DLGAP2: variants seen among roughly 807,000 people sequenced by gnomAD.
DLGAP2 encodes the protein disks large-associated protein 2.
DLGAP2 carries 26 observed loss-of-function variants against 100.3 expected under a neutral mutation model. The observed-to-expected ratio is 0.26, with a 90% CI of 0.19 to 0.36. DLGAP2 has a LOEUF of 0.36. Ranked by LOEUF, DLGAP2 falls within the 10% of genes least tolerant of loss-of-function variation. DLGAP2 has a pLI of 1.00. For synonymous variants in DLGAP2, 886 were observed against 630.1 expected (o/e 1.41, Z -6.08); for missense variants, 1,858 against 1,453.2 (o/e 1.28, Z -4.53).
intron 2 of DLGAP2, among the ~76,000 whole-genome samples, chr8:1,065,245 C>G (rs1803209874): frequency 6.6e-6 from 1 of 152,126 alleles, no homozygotes; most frequent in Non-Finnish European, 1.5e-5. Context: ...ACAGCCATTG[C>G]CAGGAATTTG....
At chr8:968,482 G>C (rs1799935684) in intron 2 of DLGAP2, among the ~76,000 whole-genome samples, 2 of 152,128 alleles carry the variant, frequency 1.3e-5, no homozygotes, top group South Asian at 2.1e-4. Context: ...ATTCCTCCAG[G>C]TCCTTGCATT....
chr8:1,138,399 A>G (rs936675939), intron 2 of DLGAP2, among the ~76,000 whole-genome samples: 10 of 152,206 alleles, frequency 6.6e-5, no homozygotes, highest in African/African-American at 2.2e-4. Context: ...GGATTTCTCC[A>G]CAGATCTGGC....
intron 4 of DLGAP2, among the ~76,000 whole-genome samples, chr8:1,507,221 G>C (rs1486937024): frequency 6.6e-6 from 1 of 152,210 alleles, no homozygotes; most frequent in Non-Finnish European, 1.5e-5. Context: ...GCGTCCATCA[G>C]GGAGGCTTGG....
intron 3 of DLGAP2, among the ~76,000 whole-genome samples, chr8:1,312,742 A>AAC (rs1254257845): frequency 6.6e-6 from 1 of 152,236 alleles, no homozygotes; most frequent in African/African-American, 2.4e-5. Context: ...TCAGTTAATT[A>AAC]ACTTGGAATT....
chr8:1,442,693 C>CAGCCACTGGAGGAGACGG, intron 3 of DLGAP2, among the ~76,000 whole-genome samples: 4 of 147,602 alleles, frequency 2.7e-5, no homozygotes, highest in African/African-American at 1.0e-4. Flanking sequence ...GCTGTGGGTT[C>CAGCCACTGGAGGAGACGG]ATCCACTGGA....
intron 2 of DLGAP2, among the ~76,000 whole-genome samples, chr8:1,168,578 A>T (rs1226488105): frequency 2.7e-4 from 40 of 148,778 alleles, no homozygotes; most frequent in East Asian, 7.9e-4. Context: ...CCATTCTAAC[A>T]GGTGTGAGAT....
chr8:993,712 A>G (rs989569501), intron 2 of DLGAP2, among the ~76,000 whole-genome samples: 3 of 147,092 alleles, frequency 2.0e-5, no homozygotes, highest in African/African-American at 7.5e-5. Flanking sequence ...AGGGATATTT[A>G]TATTTCAACA....
At chr8:1,247,098 C>T (rs60407487) in intron 2 of DLGAP2, 2 of 116,142 alleles carry the variant, frequency 1.7e-5, no homozygotes, top group Non-Finnish European at 3.2e-5. Flanking sequence ...CGGTGGCCGG[C>T]AAGACCTTTG....
intron 3 of DLGAP2, among the ~76,000 whole-genome samples, chr8:1,374,900 C>T (rs1243245242): frequency 2.6e-5 from 4 of 152,174 alleles, no homozygotes; most frequent in East Asian, 1.9e-4. Flanking sequence ...GCCTGTTTCA[C>T]GAGTGGGATC....
intron 2 of DLGAP2, among the ~76,000 whole-genome samples, chr8:1,193,874 C>A (rs953830882): frequency 1.3e-5 from 2 of 152,140 alleles, no homozygotes; most frequent in Non-Finnish European, 2.9e-5. Context: ...AGCCTCCGCA[C>A]CGCGCCGCCC....
intron 2 of DLGAP2, among the ~76,000 whole-genome samples, chr8:1,029,334 G>A (rs2129027510): frequency 1.3e-5 from 2 of 152,326 alleles, no homozygotes; most frequent in East Asian, 1.9e-4. Context: ...AAATTTCCAA[G>A]GAATACCAGC....
At chr8:774,306 C>T (rs1821450403) in intron 1 of DLGAP2, among the ~76,000 whole-genome samples, 1 of 152,156 alleles carries the variant, frequency 6.6e-6, no homozygotes, top group Admixed American at 6.6e-5. Context: ...GTTGCCTGTT[C>T]ACTCTGATGG....
chr8:874,179 C>T (rs1683404661), intron 1 of DLGAP2, among the ~76,000 whole-genome samples: 1 of 151,860 alleles, frequency 6.6e-6, no homozygotes, highest in South Asian at 2.1e-4. Flanking sequence ...CATTTACTTT[C>T]TCTTTTTTTC....
chr8:813,344 T>G (rs949456234), intron 1 of DLGAP2, among the ~76,000 whole-genome samples: 2 of 152,144 alleles, frequency 1.3e-5, no homozygotes, highest in African/African-American at 4.8e-5. Context: ...GGGTGATATT[T>G]GATAAAGTGT....
rs368114290 is a variant in DLGAP2 at position 1,665,297 on chromosome 8, A to G, written c.1811-3032A>G. ...TGGCGACAGACCTTTGAGAGTAACTATGAAACACATAATGAGCCAAGGTGG... is the reference window on the plus strand; with the variant it reads ...TGGCGACAGACCTTTGAGAGTAACTGTGAAACACATAATGAGCCAAGGTGG... On this transcript the variant is annotated intron_variant, in intron 8 of 14. Coordinates refer to ENST00000637795, the MANE Select transcript of DLGAP2 (RefSeq NM_001346810.2). Among the ~76,000 whole-genome samples the G allele has an allele frequency of 4.5e-4, 68 of 152,322 alleles. 1 individual carries two copies. The South Asian group carries it at 0.013, about 29-fold the overall frequency.
chr8:1,202,287 A>G (rs1797895843), intron 2 of DLGAP2, among the ~76,000 whole-genome samples: 1 of 116,952 alleles, frequency 8.6e-6, no homozygotes, highest in Non-Finnish European at 1.7e-5. Flanking sequence ...TGGTGCATGT[A>G]TGTAGTATAT....
At chr8:1,637,421 G>C (rs1797794563) in intron 8 of DLGAP2, among the ~76,000 whole-genome samples, 1 of 151,872 alleles carries the variant, frequency 6.6e-6, no homozygotes, top group Non-Finnish European at 1.5e-5. Flanking sequence ...TGTTGCGCGG[G>C]GCTCTCAGAT....
intron 2 of DLGAP2, among the ~76,000 whole-genome samples, chr8:1,074,398 C>G (rs1366876778): frequency 1.3e-5 from 2 of 152,234 alleles, no homozygotes; most frequent in Non-Finnish European, 2.9e-5. Flanking sequence ...CAGAATTTCT[C>G]TTCAGCCTTT....
chr8:746,505 C>T lies in DLGAP2; in HGVS notation c.18+8680C>T, dbSNP rs916283390. Among the ~76,000 whole-genome samples, 11 of 152,308 alleles carry T rather than the reference C, an allele frequency of 7.2e-5. No homozygotes were observed. In the East Asian group the frequency reaches 7.7e-4, roughly 11 times the overall value. On this transcript the variant is annotated intron_variant, in intron 1 of 14. Coordinates refer to ENST00000637795, the MANE Select transcript of DLGAP2 (RefSeq NM_001346810.2). The stretch of plus-strand genomic sequence containing the variant: ...GCGCAGCCTCCACCATCCAGTGCCA[C>T]GGGCTGGGAGAGAAGATCTGTGGGA...
Sources: gnomAD v4.1 joint callset for allele counts (sites outside exome capture counted in the v4.1 genomes callset) on GRCh38, gnomAD v4.1.1 for gene constraint, MANE v1.5 for transcripts, NCBI Gene and HGNC (gene_info 2026-07-23, HGNC 2026-07-21) for gene names.